Variants in SLC4A4 observed in about 807,000 individuals in gnomAD.
SLC4A4 encodes solute carrier family 4 member 4.
A neutral mutation model predicts 111.5 loss-of-function variants in SLC4A4; 27 were observed. The ratio of observed to expected loss-of-function variants is 0.24; its 90% confidence interval spans 0.18 to 0.33. The LOEUF (loss-of-function observed/expected upper bound fraction) is 0.33, where lower values mean the gene tolerates loss of function less well. SLC4A4 is among the 10% of genes least tolerant of loss of function. The probability of loss-of-function intolerance (pLI) is 1.00; values close to 1 mark genes in which losing one functional copy is unlikely to be tolerated. For missense variants in SLC4A4, 909 were observed against 1,315.5 expected (o/e 0.69, Z 4.78); for synonymous variants, 443 against 463.4 (o/e 0.96, Z 0.57).
chr4:71,457,922 A>T (rs1726438719), intron 12 of SLC4A4, among the ~76,000 whole-genome samples: 1 of 152,152 alleles, frequency 6.6e-6, no homozygotes, highest in African/African-American at 2.4e-5. Flanking sequence ...GGTTACTTAT[A>T]ATGCCTAATA....
At chr4:71,186,991 A>C (rs1745478325), upstream of SLC4A4, 1 of 152,198 alleles carries the variant, frequency 6.6e-6, no homozygotes, top group African/African-American at 2.4e-5. Flanking sequence ...CCCCCGCGCC[A>C]CCTTTCCCCT....
At chr4:71,092,495 A>T (rs1351033498) in intron 1 of SLC4A4, among the ~76,000 whole-genome samples, 1 of 152,208 alleles carries the variant, frequency 6.6e-6, no homozygotes, top group Non-Finnish European at 1.5e-5. Flanking sequence ...TACATTTTCT[A>T]GGAAGAAATA....
intron 3 of SLC4A4, among the ~76,000 whole-genome samples, chr4:71,321,822 C>T (rs1488360659): frequency 2.0e-5 from 3 of 151,964 alleles, no homozygotes; most frequent in Non-Finnish European, 1.5e-5. Context: ...TAAATTTCCA[C>T]TGAGTTTTGG....
intron 2 of SLC4A4, among the ~76,000 whole-genome samples, chr4:71,124,909 A>G (rs1308294778): frequency 1.3e-5 from 2 of 152,254 alleles, no homozygotes; most frequent in Non-Finnish European, 2.9e-5. Context: ...AAAAGGGAAG[A>G]AAAGTTAAAT....
At chr4:71,150,732 C>T (rs1362579019) in intron 2 of SLC4A4, among the ~76,000 whole-genome samples, 3 of 152,198 alleles carry the variant, frequency 2.0e-5, no homozygotes, top group South Asian at 4.1e-4. Context: ...ATTTGTGACC[C>T]GAATTCACCT....
chr4:71,183,162 G>A (rs550527081), upstream of SLC4A4, among the ~76,000 whole-genome samples: 2 of 152,192 alleles, frequency 1.3e-5, no homozygotes, highest in Admixed American at 6.5e-5. Context: ...TGTGGGAACT[G>A]AGACTCAGAT....
intron 3 of SLC4A4, among the ~76,000 whole-genome samples, chr4:71,330,391 G>C (rs1216168510): frequency 6.6e-6 from 1 of 151,966 alleles, no homozygotes; most frequent in Non-Finnish European, 1.5e-5. Context: ...CAGAGATATA[G>C]ACCAATGGAA....
intron 3 of SLC4A4, among the ~76,000 whole-genome samples, chr4:71,333,189 A>C (rs1333681992): frequency 1.3e-5 from 2 of 152,132 alleles, no homozygotes; most frequent in Non-Finnish European, 2.9e-5. Flanking sequence ...AAGGGAATTG[A>C]TTGTTGTGAT....
rs112050108 is a variant in SLC4A4, at chr4:71,158,980, T to C, written c.-2+66188T>C. ...TGAAATACCTGGGTGGATTTCGCAG[T>C]ACTTCATATCTGTTTTATTAAAAAT... On this transcript the variant is annotated intron_variant, in intron 2 of 26. Coordinates refer to the SLC4A4 transcript ENST00000649996. 7.0e-3 allele frequency among the ~76,000 whole-genome samples: 1,062 copies of C among 152,350 alleles called. 11 individuals are homozygous for C. Among genetic ancestry groups the C allele is most frequent in the African/African-American group, 0.025 (1,020 of 41,582 alleles).
intron 2 of SLC4A4, among the ~76,000 whole-genome samples, chr4:71,173,333 G>C (rs985717362): frequency 6.6e-6 from 1 of 152,150 alleles, no homozygotes; most frequent in Non-Finnish European, 1.5e-5. Context: ...ATGTAATTTA[G>C]GTGTTCTATT....
rs1318085433 is a variant in SLC4A4 at position 71,106,308 on chromosome 4, C to A, written c.-2+13516C>A. 1.3e-4 allele frequency among the ~76,000 whole-genome samples: 19 copies of A among 150,546 alleles called. 1 individual carries two copies. Among genetic ancestry groups the A allele is most frequent in the African/African-American group, 4.0e-4 (16 of 40,372 alleles). The stretch of plus-strand genomic sequence containing the variant: ...GAGAGGATGTGGAGAAATAGGAACA[C>A]TTTTATACTGTTGGTGGGATTGTAA... On this transcript the variant is annotated intron_variant, in intron 2 of 26. Coordinates refer to the SLC4A4 transcript ENST00000649996.
At chr4:71,380,321 C>G (rs80354924) in intron 6 of SLC4A4, among the ~76,000 whole-genome samples, 1 of 152,184 alleles carries the variant, frequency 6.6e-6, no homozygotes, top group African/African-American at 2.4e-5. Flanking sequence ...GTAAGCATCA[C>G]TCACTCCTTA....
At chr4:71,536,459 TATATACATATATATATA>T (rs1560597756) in intron 18 of SLC4A4, among the ~76,000 whole-genome samples, 2 of 51,292 alleles carry the variant, frequency 3.9e-5, no homozygotes, top group Non-Finnish European at 4.0e-5. Context: ...CATATATACA[TATATACATATATATATA>T]TATATATATA....
In SLC4A4 at chr4:71,062,739, C is replaced by T. The variant is rs77145283; in HGVS notation, c.-114C>T. 8.8e-3 allele frequency among the ~76,000 whole-genome samples: 1,341 copies of T among 152,212 alleles called. 13 individuals are homozygous for T. Among genetic ancestry groups the T allele is most frequent in the African/African-American group, 0.031 (1,281 of 41,518 alleles). On this transcript the variant is annotated 5_prime_UTR_variant, in exon 1 of 27. Coordinates refer to the SLC4A4 transcript ENST00000649996. ...AAGTGGATTTCTTTGATTTTTCAGA[C>T]GACATTGCTGAAAAACATATTACCA...
intron 2 of SLC4A4, among the ~76,000 whole-genome samples, chr4:71,130,430 G>A (rs988806247): frequency 6.6e-6 from 1 of 151,976 alleles, no homozygotes. Flanking sequence ...AGAGAAGGGG[G>A]TCTCACTTTT....
rs75018019 is a variant in SLC4A4 at position 71,152,745 on chromosome 4, G to T, written c.-2+59953G>T. Among the ~76,000 whole-genome samples, 67 of 152,040 alleles carry T rather than the reference G, an allele frequency of 4.4e-4. No homozygotes were observed. The East Asian group carries it at 0.011, about 26-fold the overall frequency. On this transcript the variant is annotated intron_variant, in intron 2 of 26. Transcript: ENST00000649996. ...TATTTACCCAATGGTGCCCACCCAG[G>T]TTAAGGATGGGTCTGCCTTTCCCAG...
At chr4:71,388,736 A>C (rs1718993727) in intron 6 of SLC4A4, among the ~76,000 whole-genome samples, 1 of 152,108 alleles carries the variant, frequency 6.6e-6, no homozygotes, top group African/African-American at 2.4e-5. Context: ...ATTTTTATAG[A>C]GATGAGCCCT....
chr4:71,153,033 G>GTATA (rs35271982), intron 2 of SLC4A4, among the ~76,000 whole-genome samples: 4,340 of 132,642 alleles, frequency 0.033, 167 homozygotes, highest in African/African-American at 0.094. Flanking sequence ...ATATGTGTGT[G>GTATA]TATATATATA....
intron 3 of SLC4A4, among the ~76,000 whole-genome samples, chr4:71,316,257 A>T (rs1235097235): frequency 6.6e-6 from 1 of 152,170 alleles, no homozygotes; most frequent in African/African-American, 2.4e-5. Context: ...TTATTTGCCA[A>T]CAGCCTTACT....
Sources: allele counts gnomAD v4.1 joint callset (sites outside exome capture counted in the v4.1 genomes callset), GRCh38; gene constraint gnomAD v4.1.1; transcripts MANE v1.5; gene names NCBI Gene and HGNC (gene_info 2026-07-23, HGNC 2026-07-21).